The following SARDH variants were observed in gnomAD, a reference collection of about 807,000 sequenced individuals.
SARDH encodes the protein sarcosine dehydrogenase, also known as sarcosine dehydrogenase, mitochondrial.
A neutral mutation model predicts 109.1 loss-of-function variants in SARDH; 95 were observed. The ratio of observed to expected loss-of-function variants is 0.87; its 90% confidence interval spans 0.74 to 1.03. The LOEUF (loss-of-function observed/expected upper bound fraction) is 1.03. SARDH is among the 50% of genes least tolerant of loss of function. The pLI, the probability that SARDH is intolerant of heterozygous loss-of-function variation, is 0.00. For synonymous variants in SARDH, 572 were observed against 534.8 expected (o/e 1.07, Z -0.96); for missense variants, 1,267 against 1,287.8 (o/e 0.98, Z 0.25).
chr9:133,667,048 G>A, intron 19 of SARDH, 178 bp from the exon 20 acceptor site: 3 of 742,046 alleles, frequency 4.0e-6, no homozygotes, highest in South Asian at 1.7e-5. Context: ...ACCTGGCCTG[G>A]ACAGCAGGGC....
intron 10 of SARDH, among the ~76,000 whole-genome samples, chr9:133,711,923 C>A (rs1564281065): frequency 6.6e-6 from 1 of 152,218 alleles, no homozygotes; most frequent in South Asian, 2.1e-4. Context: ...GGAGCCTCCC[C>A]CCTTGCCGGG....
At chr9:133,734,251 G>T (rs538010550) in intron 1 of SARDH, 48 bp from the exon 2 acceptor site, 2 of 1,323,342 alleles carry the variant, frequency 1.5e-6, no homozygotes, top group South Asian at 3.1e-5. Context: ...GACACGCTGG[G>T]GGCTGTGCTG....
chr9:133,726,142 G>A (rs1385828743), intron 6 of SARDH, among the ~76,000 whole-genome samples: 1 of 152,022 alleles, frequency 6.6e-6, no homozygotes, highest in Non-Finnish European at 1.5e-5. Context: ...AGGAGTCTGA[G>A]GCAGGAGGAT....
At chr9:133,703,655 A>C (rs1478937571) in intron 12 of SARDH, 1 of 152,478 alleles carries the variant, frequency 6.6e-6, no homozygotes, top group Non-Finnish European at 1.5e-5. Context: ...GCTCCTGCAG[A>C]CAACCCCCCA....
chr9:133,661,476 A>G (rs1554738419), downstream of SARDH, among the ~76,000 whole-genome samples: 1 of 150,788 alleles, frequency 6.6e-6, no homozygotes, highest in African/African-American at 2.5e-5. Context: ...CGATGTAGGC[A>G]CTTTCTTTTT....
intron 1 of SARDH, among the ~76,000 whole-genome samples, chr9:133,737,293 G>C (rs914115822): frequency 2.6e-5 from 4 of 152,244 alleles, no homozygotes; most frequent in African/African-American, 9.6e-5. Context: ...CAGGGAGTCT[G>C]ATTGCAGCGG....
rs186990295 is a variant in SARDH at position 133,696,585 on chromosome 9, A to T, written c.1669-224T>A. Among the ~76,000 whole-genome samples the T allele has an allele frequency of 1.2e-4, 19 of 152,332 alleles. No individual in the cohort carries two copies. In the East Asian group the frequency reaches 3.5e-3, roughly 28 times the overall value. ...GATAGATAATATGCTAAGCCACAAA[A>T]TAAGGCTCAATAAATTCAAAAAGGT... On this transcript the variant is annotated intron_variant, in intron 13 of 20. Transcript: ENST00000439388.
chr9:133,675,008 C>T (rs1017980819), intron 17 of SARDH, among the ~76,000 whole-genome samples: 6 of 152,140 alleles, frequency 3.9e-5, no homozygotes, highest in Non-Finnish European at 7.4e-5. Context: ...GAACAAAGAA[C>T]TCCTACAACT....
At chr9:133,684,428 G>A (rs757050433) in intron 17 of SARDH, among the ~76,000 whole-genome samples, 5 of 152,220 alleles carry the variant, frequency 3.3e-5, no homozygotes, top group Admixed American at 6.5e-5. Context: ...GGAAGCCCTC[G>A]GCAAACAGGG....
chr9:133,721,284 G>A (rs554852793), intron 6 of SARDH, among the ~76,000 whole-genome samples: 26 of 152,304 alleles, frequency 1.7e-4, no homozygotes, highest in Admixed American at 2.6e-4. Flanking sequence ...GGACTGCATC[G>A]CTGGAGGCTG....
At chr9:133,672,231 C>T (rs1247218702) in intron 17 of SARDH, among the ~76,000 whole-genome samples, 1 of 152,218 alleles carries the variant, frequency 6.6e-6, no homozygotes, top group Non-Finnish European at 1.5e-5. Context: ...CCCTTTGTGT[C>T]TCTGTCTTCT....
rs201120803 is a variant in SARDH, at chr9:133,679,871, CG to C, written c.2163+5321del. Among the ~76,000 whole-genome samples, 421 of 152,332 alleles carry C rather than the reference CG, an allele frequency of 2.8e-3. 2 individuals carry two copies. The highest frequency in any genetic ancestry group is 0.012 in the East Asian group (61 of 5,178). On this transcript the variant is annotated intron_variant, in intron 17 of 20. Transcript: ENST00000439388. Reference sequence around the variant, plus strand: ...GGCGCCCGCTCTCGCACCCGGGGCCCGGGTCTGCAGCTCTGGCCCTTGTCCT... The same window carrying C: ...GGCGCCCGCTCTCGCACCCGGGGCCCGGTCTGCAGCTCTGGCCCTTGTCCT...
intron 1 of SARDH, among the ~76,000 whole-genome samples, chr9:133,737,516 C>T (rs984232144): frequency 1.3e-5 from 2 of 152,204 alleles, no homozygotes; most frequent in African/African-American, 4.8e-5. Flanking sequence ...TGAGTGGCAC[C>T]GAGGAAGGCC....
In SARDH at chr9:133,728,753, T is replaced by C. The variant is rs953348442; in HGVS notation, c.915+1012A>G. On this transcript the variant is annotated intron_variant, in intron 6 of 20. Coordinates refer to ENST00000439388, the MANE Select transcript of SARDH (RefSeq NM_001134707.2). The surrounding 1 kb of genome is among the most constrained non-coding windows in gnomAD (Gnocchi z 5.0). ...CTGAAACACCAAGCTCACCCATCAATGTCTGATGCAGAGAGGGTTCAATGG... is the reference window on the plus strand; with the variant it reads ...CTGAAACACCAAGCTCACCCATCAACGTCTGATGCAGAGAGGGTTCAATGG... Among the ~76,000 whole-genome samples the C allele has an allele frequency of 4.6e-5, 7 of 151,888 alleles. No individual in the cohort carries two copies. Among genetic ancestry groups the C allele is most frequent in the East Asian group, 1.9e-4 (1 of 5,160 alleles).
rs776643721 is a variant in SARDH, at chr9:133,713,120, G to C, written c.1155C>G (p.Ser385=). The C allele has an allele frequency of 6.2e-7, 1 of 1,613,024 alleles. No individual in the cohort carries two copies. Among genetic ancestry groups the C allele is most frequent in the South Asian group, 1.1e-5 (1 of 90,870 alleles). Residue 385 remains serine (S), a synonymous_variant, in exon 9 of 21, where the codon TCC becomes TCG. Transcript: ENST00000439388. ...GIKSTVCGPE[S]FTPDHKPLMG... is the part of the protein sequence containing the mutation. The stretch of plus-strand genomic sequence containing the variant: ...TCAGGGGCTTGTGGTCGGGCGTGAA[G>C]GATTCTGAAAGAAGGAGAGAGAGGC...
Position 133,734,000 on chromosome 9 carries a change from G to T in SARDH, c.174C>A (p.Gly58=), listed in dbSNP as rs1199764507. ...CCGTGCTGGGCAGGGGCCGGCTTGGGCCTTGGGCCACCACCGAGGTGCCCT... is the reference window on the plus strand; with the variant it reads ...CCGTGCTGGGCAGGGGCCGGCTTGGTCCTTGGGCCACCACCGAGGTGCCCT... ...EGQGTSVVAQ[G]PSRPLPSTAN... is the part of the protein sequence containing the mutation. Residue 58 remains glycine (G), a synonymous_variant, in exon 2 of 21, where the codon GGC becomes GGA. Transcript: ENST00000439388. 6.2e-7 allele frequency: 1 copy of T among 1,612,904 alleles called. No homozygotes were observed. Among genetic ancestry groups the T allele is most frequent in the Admixed American group, 1.7e-5 (1 of 60,012 alleles).
chr9:133,663,425 GGC>G (rs1388512807), downstream of SARDH: 1 of 237,068 alleles, frequency 4.2e-6, no homozygotes, highest in Admixed American at 5.5e-5. Context: ...TGTGCGCTGT[GGC>G]AGACAATGCC....
At chr9:133,682,066 CCG>C (rs1830715955) in intron 17 of SARDH, among the ~76,000 whole-genome samples, 1 of 152,178 alleles carries the variant, frequency 6.6e-6, no homozygotes, top group Non-Finnish European at 1.5e-5. Flanking sequence ...GGACCATGAA[CCG>C]CACATACCTC....
At chr9:133,688,273 G>A (rs1051612806) in intron 16 of SARDH, among the ~76,000 whole-genome samples, 4 of 152,138 alleles carry the variant, frequency 2.6e-5, no homozygotes, top group Non-Finnish European at 4.4e-5. Flanking sequence ...TCCCTTTCCC[G>A]GCAGCTGCGG....
Sources: gnomAD v4.1 joint callset for allele counts (sites outside exome capture counted in the v4.1 genomes callset) on GRCh38, gnomAD v4.1.1 for gene constraint, Gnocchi (gnomAD v3.1) non-coding constraint, MANE v1.5 for transcripts, NCBI Gene and HGNC (gene_info 2026-07-23, HGNC 2026-07-21) for gene names.